Variants in SULT4A1 observed in about 807,000 individuals in gnomAD.
The protein encoded by SULT4A1 is sulfotransferase family 4A member 1.
A neutral mutation model predicts 35.2 loss-of-function variants in SULT4A1; 11 were observed. The observed-to-expected ratio is 0.31, with a 90% CI of 0.20 to 0.52. The LOEUF is 0.52. SULT4A1 is among the 20% of genes least tolerant of loss of function. The probability of loss-of-function intolerance (pLI) is 0.97; values close to 1 mark genes in which losing one functional copy is unlikely to be tolerated. For synonymous variants in SULT4A1, 152 were observed against 151.8 expected, an observed-to-expected ratio of 1.00 and a Z score of -0.01; for missense variants, 271 against 383.7, an observed-to-expected ratio of 0.71 and a Z score of 2.45.
At chr22:43,844,700 C>A (rs1228719287) in intron 1 of SULT4A1, among the ~76,000 whole-genome samples, 4 of 152,198 alleles carry the variant, frequency 2.6e-5, no homozygotes, top group Admixed American at 1.3e-4. Context: ...TGCCTGTATG[C>A]TCCTCCCAGC....
intron 1 of SULT4A1, among the ~76,000 whole-genome samples, chr22:43,859,628 G>T (rs1386441350): frequency 1.3e-5 from 2 of 152,244 alleles, no homozygotes; most frequent in African/African-American, 4.8e-5. Flanking sequence ...TACGCTGTAA[G>T]AATGAATAGG....
At chr22:43,831,004 G>A (rs2063321186) in intron 5 of SULT4A1, among the ~76,000 whole-genome samples, 1 of 152,182 alleles carries the variant, frequency 6.6e-6, no homozygotes, top group Non-Finnish European at 1.5e-5. Context: ...ATTAGAAGGC[G>A]AAACGCTGAC....
In SULT4A1 at chr22:43,825,882, C is replaced by T; in HGVS notation, c.*119G>A. Reference sequence around the variant, plus strand: ...TCCGCTCACGCCGCTCTTCCCTTCCCCCGCTGTTTCACACGCTGCTTCCAG... The same window carrying T: ...TCCGCTCACGCCGCTCTTCCCTTCCTCCGCTGTTTCACACGCTGCTTCCAG... On this transcript the variant is annotated 3_prime_UTR_variant, in exon 7 of 7. Transcript: ENST00000330884. 9.9e-7 allele frequency: 1 copy of T among 1,013,954 alleles called. No individual in the cohort carries two copies. The highest frequency in any genetic ancestry group is 1.5e-6 in the Non-Finnish European group (1 of 679,884). The allele number at this position is 1,013,954 out of a possible 1,614,324, so 62.8% of individuals were successfully genotyped here.
At chr22:43,839,145 G>T in intron 3 of SULT4A1, 152 bp from the exon 4 acceptor site, 1 of 1,012,868 alleles carries the variant, frequency 9.9e-7, no homozygotes, top group Non-Finnish European at 1.4e-6. Flanking sequence ...CACGGCTGCT[G>T]GGTGCTGCTG....
chr22:43,846,463 T>G (rs2063477749), intron 1 of SULT4A1, among the ~76,000 whole-genome samples: 1 of 152,248 alleles, frequency 6.6e-6, no homozygotes, highest in Non-Finnish European at 1.5e-5. Flanking sequence ...TCATATTTCC[T>G]GAGTGGACCG....
chr22:43,829,167 C>G lies in SULT4A1; in HGVS notation c.635G>C (p.Arg212Thr). Residue 212 changes from arginine (R) to threonine (T), a missense_variant, in exon 6 of 7, where the codon AGA becomes ACA. Transcript: ENST00000330884. ...DLVTMVEQLA[R>T]FLGVSCDKAQ... ...CTTGTCACAGGACACCCCCAGGAAT[C>G]TGGCCAGCTGCTCCACCATCGTCAC... 1.3e-6 allele frequency: 2 copies of G among 1,566,166 alleles called. No individual in the cohort carries two copies. Among genetic ancestry groups the G allele is most frequent in the Non-Finnish European group, 1.7e-6 (2 of 1,155,612 alleles).
chr22:43,858,771 T>C (rs1464695937), intron 1 of SULT4A1, among the ~76,000 whole-genome samples: 11 of 152,158 alleles, frequency 7.2e-5, no homozygotes, highest in Admixed American at 6.5e-4. Flanking sequence ...CTACACTCGG[T>C]GCTGCCACTA....
rs143101740 is a variant in SULT4A1 at position 43,860,352 on chromosome 22, A to G, written c.169+1862T>C. 4.5e-3 allele frequency among the ~76,000 whole-genome samples: 690 copies of G among 152,330 alleles called. 10 individuals are homozygous for G. The highest frequency in any genetic ancestry group is 0.016 in the African/African-American group (649 of 41,572). On this transcript the variant is annotated intron_variant, in intron 1 of 6. Coordinates refer to ENST00000330884, the MANE Select transcript of SULT4A1 (RefSeq NM_014351.4). The stretch of plus-strand genomic sequence containing the variant: ...CTCTCGGCTTCCCCAGCCCCTAGCA[A>G]AGCATCTGGGCACAACAGGTGTTCA...
chr22:43,853,023 G>C (rs1037906050), intron 1 of SULT4A1, among the ~76,000 whole-genome samples: 6 of 151,846 alleles, frequency 4.0e-5, no homozygotes, highest in Non-Finnish European at 8.8e-5. Flanking sequence ...ACACCCATCA[G>C]ACACACAGAC....
intron 4 of SULT4A1, among the ~76,000 whole-genome samples, chr22:43,837,787 C>T (rs1216428596): frequency 6.6e-6 from 1 of 152,186 alleles, no homozygotes; most frequent in African/African-American, 2.4e-5. Flanking sequence ...GGTCCACTGC[C>T]CTAAGTTCCA....
At chr22:43,834,000 C>T (rs2063344863) in intron 4 of SULT4A1, among the ~76,000 whole-genome samples, 1 of 152,184 alleles carries the variant, frequency 6.6e-6, no homozygotes, top group Non-Finnish European at 1.5e-5. Context: ...TGGCAGTGGA[C>T]CGCAACAGTG....
At chr22:43,841,197 C>T (rs771531554) in intron 2 of SULT4A1, among the ~76,000 whole-genome samples, 31 of 152,160 alleles carry the variant, frequency 2.0e-4, no homozygotes, top group Non-Finnish European at 3.8e-4. Flanking sequence ...TGGAGGGCCA[C>T]AGGGGTCTTG....
At chr22:43,848,219 T>C (rs2063488609) in intron 1 of SULT4A1, among the ~76,000 whole-genome samples, 1 of 152,144 alleles carries the variant, frequency 6.6e-6, no homozygotes, top group African/African-American at 2.4e-5. Flanking sequence ...CCCTCCCTTC[T>C]TCACAGAGCT....
intron 1 of SULT4A1, among the ~76,000 whole-genome samples, chr22:43,851,683 C>T (rs941247235): frequency 6.6e-6 from 1 of 152,172 alleles, no homozygotes; most frequent in African/African-American, 2.4e-5. Flanking sequence ...GGTAATCCCA[C>T]CCTCCAAGTG....
At chr22:43,842,365 A>G (rs1398578978) in intron 1 of SULT4A1, among the ~76,000 whole-genome samples, 1 of 152,204 alleles carries the variant, frequency 6.6e-6, no homozygotes, top group African/African-American at 2.4e-5. Flanking sequence ...CACATAGCCC[A>G]TGATCCAGGA....
At chr22:43,839,014 A>T (rs1382628625) in intron 3 of SULT4A1, 21 bp from the exon 4 acceptor site, 11 of 1,612,332 alleles carry the variant, frequency 6.8e-6, no homozygotes, top group Non-Finnish European at 9.3e-6. Context: ...CAGGAGCAGG[A>T]TGAGTCCGTG....
chr22:43,831,772 C>T lies in SULT4A1; in HGVS notation c.603+1868G>A, dbSNP rs114041658. 1.4e-3 allele frequency among the ~76,000 whole-genome samples: 215 copies of T among 152,352 alleles called. 5 individuals carry two copies. In the East Asian group the frequency reaches 0.024, roughly 17 times the overall value. Reference sequence around the variant, plus strand: ...AGCTCCGGTGAGGGAGATGAAACCGCGGTGGCCTCTGGGAAGCAGGGGTAT... The same window carrying T: ...AGCTCCGGTGAGGGAGATGAAACCGTGGTGGCCTCTGGGAAGCAGGGGTAT... On this transcript the variant is annotated intron_variant, in intron 5 of 6. Transcript: ENST00000330884.
chr22:43,836,620 C>T (rs1204919665), intron 4 of SULT4A1, among the ~76,000 whole-genome samples: 1 of 145,376 alleles, frequency 6.9e-6, no homozygotes, highest in African/African-American at 2.6e-5. Flanking sequence ...CCTCACACTG[C>T]AGGTGCCACA....
chr22:43,831,301 C>CGAGATGTGTGGGCAGCTGCCCCT (rs1569502816), intron 5 of SULT4A1, among the ~76,000 whole-genome samples: 7 of 152,252 alleles, frequency 4.6e-5, no homozygotes, highest in African/African-American at 1.2e-4. Flanking sequence ...CAGCTGCCCC[C>CGAGATGTGTGGGCAGCTGCCCCT]GAGATGTGTG....
Sources: gnomAD v4.1 joint callset for allele counts (sites outside exome capture counted in the v4.1 genomes callset) on GRCh38, gnomAD v4.1.1 for gene constraint, MANE v1.5 for transcripts, NCBI Gene and HGNC (gene_info 2026-07-23, HGNC 2026-07-21) for gene names.